The following BAHCC1 variants were observed in gnomAD, a reference collection of about 807,000 sequenced individuals.
BAHCC1 encodes the protein BAH domain and coiled-coil containing 1.
BAHCC1 carries 43 observed loss-of-function variants against 88.2 expected under a neutral mutation model. The observed-to-expected ratio is 0.49, with a 90% confidence interval of 0.38 to 0.63. The LOEUF (loss-of-function observed/expected upper bound fraction) is 0.63. Among genes scored for constraint, BAHCC1 ranks in the 20% least tolerant of loss-of-function variants. BAHCC1 has a pLI of 0.00. For missense variants in BAHCC1, 3,023 were observed against 1,654.8 expected, an observed-to-expected ratio of 1.83 and a Z score of -14.34; for synonymous variants, 1,510 against 745.5, an observed-to-expected ratio of 2.03 and a Z score of -16.71.
chr17:81,422,014 A>AT (rs34098647), intron 2 of BAHCC1: 162,665 of 270,106 alleles, frequency 0.6, 42,912 homozygotes, highest in East Asian at 0.78. Flanking sequence ...TCCTCTCGTG[A>AT]TTTTTTTTTT....
rs1555654086 is a variant in BAHCC1, at chr17:81,445,491, A to G, written c.2973A>G (p.Pro991=). 2.7e-6 allele frequency: 2 copies of G among 747,100 alleles called. No homozygotes were observed. Among genetic ancestry groups the G allele is most frequent in the East Asian group, 2.6e-5 (1 of 39,154 alleles). The allele number at this position is 747,100 out of a possible 1,614,324, so 46.3% of individuals were successfully genotyped here. Residue 991 remains proline, a synonymous_variant, in exon 10 of 28, where the codon CCA becomes CCG. Coordinates refer to ENST00000675386, the MANE Select transcript of BAHCC1 (RefSeq NM_001377448.1). ...CCGCTGCAGGCCCCACCAAGCTGCC[A>G]CCTTGCTGCCATCCGCCCGACCCAA... ...PSPAAGPTKL[P]PCCHPPDPKP...
intron 1 of BAHCC1, among the ~76,000 whole-genome samples, chr17:81,397,395 G>GA (rs869105058): frequency 0.26 from 33,757 of 132,204 alleles, 5,133 homozygotes; most frequent in Non-Finnish European, 0.35. Context: ...TTATTGGAGA[G>GA]AAAAAAAAAA....
rs2064545546 is a variant in BAHCC1, at chr17:81,447,185, G to C, written c.3313G>C (p.Glu1105Gln). The C allele has an allele frequency of 3.9e-6, 3 of 769,228 alleles. No homozygotes were observed. In the East Asian group the frequency reaches 7.3e-5, roughly 19 times the overall value. 47.7% of individuals were successfully genotyped at this position (769,228 alleles called of 1,614,324 possible). Residue 1105 changes from glutamate (E) to glutamine (Q), a missense_variant, in exon 11 of 28, where the codon GAG becomes CAG. Coordinates refer to ENST00000675386, the MANE Select transcript of BAHCC1 (RefSeq NM_001377448.1). ...PEPTRTFLPGEPPPCSPRSLE... is the reference protein window; with the variant it reads ...PEPTRTFLPGQPPPCSPRSLE... ...GCCCACAAGGACATTCCTGCCTGGG[G>C]AGCCGCCTCCCTGCAGCCCCAGGAG...
intron 2 of BAHCC1, among the ~76,000 whole-genome samples, chr17:81,409,725 T>C (rs1555647481): frequency 7.2e-5 from 11 of 151,996 alleles, no homozygotes; most frequent in Non-Finnish European, 1.5e-5. Flanking sequence ...GAAGGCCGGG[T>C]GTGAATCAGC....
chr17:81,399,987 C>T lies in BAHCC1; in HGVS notation c.178+70C>T. ...GCGGAACAGGGCGCCCACCCCTCCGCTCCCGGGAGCAGAGAAGCTTTGGTT... is the reference window on the plus strand; with the variant it reads ...GCGGAACAGGGCGCCCACCCCTCCGTTCCCGGGAGCAGAGAAGCTTTGGTT... On this transcript the variant is annotated intron_variant, in intron 2 of 27. Coordinates refer to ENST00000675386, the MANE Select transcript of BAHCC1 (RefSeq NM_001377448.1). The surrounding 1 kb of genome is among the most constrained non-coding windows in gnomAD (Gnocchi z 4.5). The T allele has an allele frequency of 1.7e-6, 2 of 1,202,130 alleles. No individual in the cohort carries two copies. Among genetic ancestry groups the T allele is most frequent in the Non-Finnish European group, 2.1e-6 (2 of 945,598 alleles). The allele number at this position is 1,202,130 out of a possible 1,614,324, so 74.5% of individuals were successfully genotyped here. A position where few individuals can be genotyped will look rare whatever the true frequency, so the allele number is the denominator to read the frequency against.
chr17:81,436,747 A>G (rs1470659671), intron 3 of BAHCC1, among the ~76,000 whole-genome samples: 2 of 152,200 alleles, frequency 1.3e-5, no homozygotes, highest in Non-Finnish European at 2.9e-5. Flanking sequence ...CCTCAGCTGG[A>G]GGGCAGCTGC....
At chr17:81,430,052 C>T (rs935274115) in intron 3 of BAHCC1, among the ~76,000 whole-genome samples, 258 of 152,142 alleles carry the variant, frequency 1.7e-3, no homozygotes, top group Admixed American at 4.6e-3. Context: ...CTCCCACCAG[C>T]GGTGGGCCTC....
chr17:81,426,343 C>T (rs878991598), intron 2 of BAHCC1, among the ~76,000 whole-genome samples: 1 of 5,952 alleles, frequency 1.7e-4, no homozygotes, highest in South Asian at 9.3e-3. Context: ...TGGTGATAGT[C>T]GTGGGTGATG....
chr17:81,428,701 GC>G (rs2064227592), intron 3 of BAHCC1, among the ~76,000 whole-genome samples: 2 of 152,220 alleles, frequency 1.3e-5, no homozygotes, highest in Admixed American at 6.5e-5. Context: ...GTGTGTGGTG[GC>G]CCACAGGCAG....
Position 81,399,128 on chromosome 17 carries a change from A to AGT in BAHCC1, c.-206-382_-206-381dup, listed in dbSNP as rs375191474. The AGT allele has an allele frequency of 0.068, 15,669 of 229,040 alleles. 295 individuals are homozygous for AGT. The highest frequency in any genetic ancestry group is 0.068 in the African/African-American group (2,578 of 38,132). 14.2% of individuals were successfully genotyped at this position (229,040 alleles called of 1,614,324 possible). A position where few individuals can be genotyped will look rare whatever the true frequency, so the allele number is the denominator to read the frequency against. ...GGGGAGGGGAGAGGGTGTGCGTGTG[A>AGT]GTGTGTGTGTGTGTGTGTGTGTGTG... On this transcript the variant is annotated intron_variant, in intron 1 of 27. Transcript: ENST00000675386. The surrounding 1 kb of genome is among the most constrained non-coding windows in gnomAD (Gnocchi z 4.5).
chr17:81,455,388 G>A lies in BAHCC1; in HGVS notation c.4567G>A (p.Val1523Met), dbSNP rs782794014. ...CTATGCGGGCCTGCAGACTGCCTCC[G>A]TGGTGAGTGCCGAGGCGCCCGCCTT... ...SVYAGLQTAS[V>M]EKAQCKKSSC... Residue 1523 changes from valine to methionine, a missense_variant and splice_region_variant, in exon 15 of 28, where the codon GTG (valine) becomes ATG (methionine). Val to Met is a conservative substitution (Grantham distance 21). Transcript: ENST00000675386. 3.6e-5 allele frequency: 26 copies of A among 715,724 alleles called. No individual in the cohort carries two copies. The highest frequency in any genetic ancestry group is 1.0e-4 in the Admixed American group (5 of 49,992). 44.3% of individuals were successfully genotyped at this position (715,724 alleles called of 1,614,324 possible). A position where few individuals can be genotyped will look rare whatever the true frequency, so the allele number is the denominator to read the frequency against.
chr17:81,430,395 C>A (rs1008356410), intron 3 of BAHCC1, among the ~76,000 whole-genome samples: 2 of 152,184 alleles, frequency 1.3e-5, no homozygotes, highest in Non-Finnish European at 2.9e-5. Flanking sequence ...CACACACACG[C>A]GCTGGCTCTC....
chr17:81,426,464 G>T (rs979140626), intron 2 of BAHCC1, among the ~76,000 whole-genome samples: 1 of 148,392 alleles, frequency 6.7e-6, no homozygotes, highest in Non-Finnish European at 1.5e-5. Flanking sequence ...GGGTGATGTG[G>T]TTGGGGGTGA....
chr17:81,419,853 G>A (rs1340795394), intron 2 of BAHCC1, among the ~76,000 whole-genome samples: 8 of 149,366 alleles, frequency 5.4e-5, no homozygotes, highest in African/African-American at 1.7e-4. Flanking sequence ...ATGCTGTCTC[G>A]GCGGCTCACT....
chr17:81,447,286 G>T lies in BAHCC1; in HGVS notation c.3414G>T (p.Glu1138Asp), dbSNP rs1462467076. Residue 1138 changes from glutamate (E) to aspartate (D), a missense_variant, in exon 11 of 28, where the codon GAG (glutamate) becomes GAT (aspartate). Physicochemically the swap from Glu to Asp is conservative, Grantham distance 45. Coordinates refer to ENST00000675386, the MANE Select transcript of BAHCC1 (RefSeq NM_001377448.1). ...TTGCCGCCACCCCCTACCCTACCGA[G>T]CGGGGACCCCAGGGGAAGGCAGCGG... ...QDLAATPYPTERGPQGKAADP... is the reference protein window; with the variant it reads ...QDLAATPYPTDRGPQGKAADP... 1.4e-6 allele frequency: 1 copy of T among 729,758 alleles called. No individual in the cohort carries two copies. The highest frequency in any genetic ancestry group is 2.0e-5 in the Admixed American group (1 of 49,790). 45.2% of individuals were successfully genotyped at this position (729,758 alleles called of 1,614,324 possible).
rs2143352574 is a variant in BAHCC1, at chr17:81,420,735, C to T, written c.179-6065C>T. Among the ~76,000 whole-genome samples the T allele has an allele frequency of 2.0e-5, 3 of 152,364 alleles. No homozygotes were observed. In the South Asian group the frequency reaches 6.2e-4, roughly 32 times the overall value. On this transcript the variant is annotated intron_variant, in intron 2 of 27. Coordinates refer to ENST00000675386, the MANE Select transcript of BAHCC1 (RefSeq NM_001377448.1). ...GGGCCGGCTGGGCAGTGGGGGCAGCCAACTGGAGGCCAGTGTGCAGTCCTC... is the reference window on the plus strand; with the variant it reads ...GGGCCGGCTGGGCAGTGGGGGCAGCTAACTGGAGGCCAGTGTGCAGTCCTC...
intron 2 of BAHCC1, among the ~76,000 whole-genome samples, chr17:81,425,204 G>A (rs1598471531): frequency 4.6e-5 from 2 of 43,688 alleles, no homozygotes; most frequent in African/African-American, 1.9e-4. Context: ...GGTTGGTGAT[G>A]ATGGTGGGTG....
chr17:81,403,943 G>C (rs558054034), intron 2 of BAHCC1, among the ~76,000 whole-genome samples: 1 of 152,226 alleles, frequency 6.6e-6, no homozygotes, highest in Non-Finnish European at 1.5e-5. Context: ...GTACGGAGCC[G>C]CCGCGCTTTC....
chr17:81,416,359 T>C (rs562657108), intron 2 of BAHCC1, among the ~76,000 whole-genome samples: 1 of 139,436 alleles, frequency 7.2e-6, no homozygotes, highest in East Asian at 2.2e-4. Flanking sequence ...TCCATGAGGG[T>C]GGGTCTATGC....
Sources: allele counts gnomAD v4.1 joint callset (sites outside exome capture counted in the v4.1 genomes callset), GRCh38; gene constraint gnomAD v4.1.1; non-coding constraint Gnocchi (gnomAD v3.1); transcripts MANE v1.5; gene names NCBI Gene and HGNC (gene_info 2026-07-23, HGNC 2026-07-21).